The following ASTN2 variants were observed in gnomAD, a reference collection of about 807,000 sequenced individuals.
ASTN2 encodes the protein astrotactin-2.
ASTN2 carries 54 observed loss-of-function variants against 139.8 expected under a neutral mutation model. The ratio of observed to expected loss-of-function variants is 0.39; its 90% CI spans 0.31 to 0.48. The LOEUF (loss-of-function observed/expected upper bound fraction) is 0.48. Among genes scored for constraint, ASTN2 ranks in the 20% least tolerant of loss-of-function variants. The pLI is 0.95. For synonymous variants in ASTN2, 756 were observed against 719.5 expected, an observed-to-expected ratio of 1.05 and a Z score of -0.81; for missense variants, 1,565 against 1,725.1, an observed-to-expected ratio of 0.91 and a Z score of 1.64.
chr9:116,603,800 C>A (rs888986745), intron 19 of ASTN2, among the ~76,000 whole-genome samples: 1 of 152,188 alleles, frequency 6.6e-6, no homozygotes, highest in East Asian at 1.9e-4. Flanking sequence ...CTTCTCTTGG[C>A]GTCTCTAACG....
intron 1 of ASTN2, among the ~76,000 whole-genome samples, chr9:117,382,721 C>A (rs1315975353): frequency 1.3e-5 from 2 of 152,100 alleles, no homozygotes; most frequent in African/African-American, 4.8e-5. Context: ...GGAAAATAGA[C>A]CACGATTAAT....
intron 16 of ASTN2, among the ~76,000 whole-genome samples, chr9:116,655,672 C>T (rs1184225277): frequency 6.6e-6 from 1 of 152,094 alleles, no homozygotes. Context: ...CCCTGAATTC[C>T]TCATGCCACT....
intron 16 of ASTN2, among the ~76,000 whole-genome samples, chr9:116,661,195 G>T (rs1434432952): frequency 6.6e-6 from 1 of 151,530 alleles, no homozygotes; most frequent in Admixed American, 6.6e-5. Flanking sequence ...GACAAGGCAG[G>T]TTGTGGCCAG....
At chr9:117,357,761 C>G (rs181009379) in intron 1 of ASTN2, among the ~76,000 whole-genome samples, 1 of 152,064 alleles carries the variant, frequency 6.6e-6, no homozygotes, top group East Asian at 1.9e-4. Flanking sequence ...TTTAATTTTG[C>G]TTTTTTAAAG....
chr9:116,848,506 A>C (rs1337474861), intron 11 of ASTN2, among the ~76,000 whole-genome samples: 2 of 152,244 alleles, frequency 1.3e-5, no homozygotes. Flanking sequence ...CAGATGGAGA[A>C]TCTGAAGCGC....
chr9:117,054,034 A>AG (rs1402478465), intron 5 of ASTN2, among the ~76,000 whole-genome samples: 1 of 151,998 alleles, frequency 6.6e-6, no homozygotes, highest in African/African-American at 2.4e-5. Flanking sequence ...AAAAAAAGAA[A>AG]AAAAAAAAAC....
chr9:116,565,385 CTCCAT>C (rs1853152419), intron 19 of ASTN2, among the ~76,000 whole-genome samples: 3 of 30,736 alleles, frequency 9.8e-5, no homozygotes, highest in Admixed American at 5.3e-4. Context: ...CTCTCTCTCT[CTCCAT>C]ATATATATAT....
At chr9:116,726,159 G>A (rs987633745) in intron 15 of ASTN2, among the ~76,000 whole-genome samples, 2 of 152,070 alleles carry the variant, frequency 1.3e-5, no homozygotes, top group Non-Finnish European at 2.9e-5. Context: ...CATCAGACAC[G>A]GTGACCAAGA....
At chr9:116,563,240 G>C (rs1853010962) in intron 19 of ASTN2, among the ~76,000 whole-genome samples, 1 of 151,604 alleles carries the variant, frequency 6.6e-6, no homozygotes, top group African/African-American at 2.4e-5. Context: ...CCGGGTGCGG[G>C]GGTGGGTGCC....
At chr9:117,338,024 T>C (rs1430399283) in intron 1 of ASTN2, among the ~76,000 whole-genome samples, 1 of 152,152 alleles carries the variant, frequency 6.6e-6, no homozygotes, top group African/African-American at 2.4e-5. Flanking sequence ...CTTATTCATA[T>C]AAAAAATAAG....
intron 5 of ASTN2, among the ~76,000 whole-genome samples, chr9:117,055,313 G>T (rs534084528): frequency 2.6e-5 from 4 of 152,170 alleles, no homozygotes; most frequent in Non-Finnish European, 5.9e-5. Context: ...GAACCATTAG[G>T]TATATCAAGA....
chr9:116,951,375 G>C (rs1216878555), intron 10 of ASTN2, among the ~76,000 whole-genome samples: 1 of 139,346 alleles, frequency 7.2e-6, no homozygotes, highest in Non-Finnish European at 1.5e-5. Context: ...AAAGATCTGT[G>C]GTTGTAGATA....
intron 1 of ASTN2, among the ~76,000 whole-genome samples, chr9:117,392,605 C>T (rs543895593): frequency 2.4e-4 from 37 of 152,310 alleles, no homozygotes; most frequent in South Asian, 4.1e-4. Flanking sequence ...CCTTTGCCCA[C>T]ATCAGAAGGC....
At chr9:117,013,847 T>G (rs887276101) in intron 6 of ASTN2, among the ~76,000 whole-genome samples, 2 of 152,078 alleles carry the variant, frequency 1.3e-5, no homozygotes, top group African/African-American at 4.8e-5. Context: ...AGACAGCAGC[T>G]GCAAATCCCT....
chr9:117,395,476 C>T (rs750031252), intron 1 of ASTN2, among the ~76,000 whole-genome samples: 124 of 152,314 alleles, frequency 8.1e-4, no homozygotes, highest in Non-Finnish European at 1.4e-3. Flanking sequence ...GAACTCTTGG[C>T]AGCCCGCTCA....
intron 19 of ASTN2, chr9:116,613,415 C>A (rs547320271): frequency 5.3e-5 from 8 of 152,012 alleles, no homozygotes; most frequent in African/African-American, 1.9e-4. Flanking sequence ...CTGGCAGAGA[C>A]ACAACAAAAA....
chr9:117,236,058 T>C (rs1430284477), intron 2 of ASTN2, among the ~76,000 whole-genome samples: 1 of 152,178 alleles, frequency 6.6e-6, no homozygotes, highest in Admixed American at 6.5e-5. Context: ...GGGAATCTGG[T>C]GACATAGGTA....
At chr9:117,285,815 A>G (rs1564126416) in intron 2 of ASTN2, among the ~76,000 whole-genome samples, 1 of 152,208 alleles carries the variant, frequency 6.6e-6, no homozygotes, top group African/African-American at 2.4e-5. Context: ...ATCCTCCCTC[A>G]TTGGAGGCCA....
rs147520562 is a variant in ASTN2 at position 116,985,792 on chromosome 9, C to T, written c.1592-9007G>A. Among the ~76,000 whole-genome samples, 104 of 152,212 alleles carry T rather than the reference C, an allele frequency of 6.8e-4. 1 individual carries two copies. The highest frequency in any genetic ancestry group is 5.6e-3 in the East Asian group (29 of 5,160). ...CATGGATGCACAGAGCTGAGCCTGCCGGTGAGAGGCTGGCTTCTCCTCACC... is the reference window on the plus strand; with the variant it reads ...CATGGATGCACAGAGCTGAGCCTGCTGGTGAGAGGCTGGCTTCTCCTCACC... On this transcript the variant is annotated intron_variant, in intron 7 of 22. Transcript: ENST00000313400.
Sources: gnomAD v4.1 joint callset for allele counts (sites outside exome capture counted in the v4.1 genomes callset) on GRCh38, gnomAD v4.1.1 for gene constraint, MANE v1.5 for transcripts, NCBI Gene and HGNC (gene_info 2026-07-23, HGNC 2026-07-21) for gene names.